The following CFAP90 variants were observed in gnomAD, a reference collection of about 807,000 sequenced individuals.
CFAP90 encodes cilia and flagella associated protein 90.
the CFAP90 span, among the ~76,000 whole-genome samples, chr5:7,841,588 A>G: frequency 2.6e-5 from 4 of 152,236 alleles, no homozygotes; most frequent in Non-Finnish European, 5.9e-5. Flanking sequence ...ATGCCCATCA[A>G]TGATAGACTG....
chr5:7,842,643 C>T, the CFAP90 span, among the ~76,000 whole-genome samples: 1 of 152,156 alleles, frequency 6.6e-6, no homozygotes, highest in Admixed American at 6.5e-5. Flanking sequence ...AAAGAAGGCA[C>T]TTGGATTTCC....
the CFAP90 span, among the ~76,000 whole-genome samples, chr5:7,848,600 T>A: frequency 6.6e-6 from 1 of 152,230 alleles, no homozygotes; most frequent in East Asian, 1.9e-4. Flanking sequence ...CTTCTCCCTG[T>A]GTCCCTTTAC....
At chr5:7,849,834 G>A in the CFAP90 span, among the ~76,000 whole-genome samples, 1 of 151,996 alleles carries the variant, frequency 6.6e-6, no homozygotes, top group Non-Finnish European at 1.5e-5. Flanking sequence ...AGGGTTTCCC[G>A]CGCCCTGGAC....
chr5:7,841,028 A>G, the CFAP90 span, among the ~76,000 whole-genome samples: 35 of 152,232 alleles, frequency 2.3e-4, 1 homozygote, highest in Admixed American at 2.3e-3. Context: ...CTGCACAGCA[A>G]AAGAAACTAC....
At chr5:7,850,294 C>T in the CFAP90 span, among the ~76,000 whole-genome samples, 1 of 151,902 alleles carries the variant, frequency 6.6e-6, no homozygotes, top group Admixed American at 6.6e-5. Context: ...TCCCACCCGG[C>T]CCCCTCCACA....
the CFAP90 span, among the ~76,000 whole-genome samples, chr5:7,842,769 T>A: frequency 6.6e-6 from 1 of 152,172 alleles, no homozygotes; most frequent in Non-Finnish European, 1.5e-5. Flanking sequence ...TGCACCTATG[T>A]TTAACAACCC....
chr5:7,831,967 G>A, the CFAP90 span: 1 of 1,614,082 alleles, frequency 6.2e-7, no homozygotes, highest in East Asian at 2.2e-5. Flanking sequence ...GGGGCTCAAT[G>A]GGCTGATTGA....
chr5:7,835,124 G>C, the CFAP90 span, among the ~76,000 whole-genome samples: 3 of 152,148 alleles, frequency 2.0e-5, no homozygotes, highest in Admixed American at 2.0e-4. Context: ...ATAGCATTAT[G>C]TCTGAAAAAT....
At chr5:7,847,649 C>A in the CFAP90 span, among the ~76,000 whole-genome samples, 1 of 152,160 alleles carries the variant, frequency 6.6e-6, no homozygotes, top group African/African-American at 2.4e-5. Flanking sequence ...TTTACTGACC[C>A]CAGCATTAAA....
the CFAP90 span, among the ~76,000 whole-genome samples, chr5:7,843,321 T>C: frequency 1.3e-5 from 2 of 152,232 alleles, no homozygotes; most frequent in African/African-American, 2.4e-5. Flanking sequence ...GACACAATGT[T>C]AGGTTTTTTT....
the CFAP90 span, among the ~76,000 whole-genome samples, chr5:7,836,018 T>C: frequency 6.6e-6 from 1 of 152,072 alleles, no homozygotes; most frequent in African/African-American, 2.4e-5. Flanking sequence ...TCTCCCTGTA[T>C]CCTCACATGC....
At chr5:7,839,521 C>G in the CFAP90 span, among the ~76,000 whole-genome samples, 1 of 152,196 alleles carries the variant, frequency 6.6e-6, no homozygotes, top group African/African-American at 2.4e-5. Flanking sequence ...TTACTGTTAT[C>G]AGAATGAGAA....
At chr5:7,848,123 C>A in the CFAP90 span, among the ~76,000 whole-genome samples, 1 of 152,008 alleles carries the variant, frequency 6.6e-6, no homozygotes, top group African/African-American at 2.4e-5. Flanking sequence ...ATGTAAAATT[C>A]ATTTAATAAA....
chr5:7,839,799 A>G, the CFAP90 span, among the ~76,000 whole-genome samples: 3 of 152,170 alleles, frequency 2.0e-5, no homozygotes, highest in Non-Finnish European at 4.4e-5. Context: ...GATTTTGCAT[A>G]TTCAGAACTT....
At chr5:7,835,643 G>A in the CFAP90 span, 2 of 581,390 alleles carry the variant, frequency 3.4e-6, no homozygotes, top group African/African-American at 3.8e-5. Context: ...ACCTCACCAA[G>A]CAGAACCAGC....
chr5:7,833,336 A>G, the CFAP90 span, among the ~76,000 whole-genome samples: 3 of 151,694 alleles, frequency 2.0e-5, no homozygotes, highest in East Asian at 5.8e-4. Context: ...CAATATACAC[A>G]CATGTGCATG....
At chr5:7,836,580 G>T in the CFAP90 span, among the ~76,000 whole-genome samples, 1 of 152,194 alleles carries the variant, frequency 6.6e-6, no homozygotes, top group African/African-American at 2.4e-5. Flanking sequence ...GATGATTTTA[G>T]GGAGGTAGTA....
chr5:7,835,161 T>C, the CFAP90 span, among the ~76,000 whole-genome samples: 4 of 152,216 alleles, frequency 2.6e-5, no homozygotes, highest in Admixed American at 6.5e-5. Flanking sequence ...GTAAATACTT[T>C]ATTGTTAAAA....
chr5:7,837,492 A>G, the CFAP90 span, among the ~76,000 whole-genome samples: 1 of 152,224 alleles, frequency 6.6e-6, no homozygotes, highest in African/African-American at 2.4e-5. Flanking sequence ...ACAGAGGTAG[A>G]AGTAGGCAGT....
Sources: gnomAD v4.1 joint callset for allele counts (sites outside exome capture counted in the v4.1 genomes callset) on GRCh38, gnomAD v4.1.1 for gene constraint, MANE v1.5 for transcripts, NCBI Gene and HGNC (gene_info 2026-07-23, HGNC 2026-07-21) for gene names.